SPZ1: variants seen among roughly 807,000 people sequenced by gnomAD.
SPZ1 encodes the protein spermatogenic leucine zipper protein 1.
For synonymous variants in SPZ1, 160 were observed against 167.6 expected (o/e 0.95, Z 0.35); for missense variants, 408 against 486.2 (o/e 0.84, Z 1.51).
chr5:80,321,128 G>A lies in SPZ1; in HGVS notation c.913G>A (p.Glu305Lys), dbSNP rs1460173670. Residue 305 changes from glutamate to lysine, a missense_variant, in exon 1 of 1, where the codon GAA becomes AAA. Physicochemically the swap from Glu to Lys is moderately conservative, Grantham distance 56 (BLOSUM62 1). Coordinates refer to ENST00000296739, the MANE Select transcript of SPZ1 (RefSeq NM_032567.4). ...AGTGTCGGCTAAGCATGAGCTGGAG[G>A]AACAGGTGAAGAAACTGAGCCATGA... ...NEVSAKHELE[E>K]QVKKLSHDTY... 1 of 1,613,628 alleles carries A rather than the reference G, an allele frequency of 6.2e-7. No individual in the cohort carries two copies. The highest frequency in any genetic ancestry group is 8.5e-7 in the Non-Finnish European group (1 of 1,179,956).
At position 80,320,326 on chromosome 5, in the gene SPZ1, C is replaced by T. The variant is rs375932434; in HGVS notation, c.111C>T (p.Phe37=). ...YLDPRITIAL[F]EIGSHSPSSW... ...ACCCTAGGATTACCATTGCCTTATT[C>T]GAAATTGGATCACATTCCCCTTCCT... The change falls in exon 1 of 1, where the codon TTC becomes TTT. Residue 37 remains phenylalanine (F), a synonymous_variant. Coordinates refer to ENST00000296739, the MANE Select transcript of SPZ1 (RefSeq NM_032567.4). 3.3e-5 allele frequency: 53 copies of T among 1,613,934 alleles called. No homozygotes were observed. The African/African-American group carries it at 4.7e-4, about 14-fold the overall frequency.
chr5:80,320,010 C>T lies in SPZ1; in HGVS notation c.-206C>T. 1.9e-6 allele frequency: 1 copy of T among 519,786 alleles called. No individual in the cohort carries two copies. The allele number at this position is 519,786 out of a possible 1,614,324, so 32.2% of individuals were successfully genotyped here. A position where few individuals can be genotyped will look rare whatever the true frequency, so the allele number is the denominator to read the frequency against. ...TGCCTAGAGGAGAAGAGATGGAGCCCCAGCCTTGGTCCCCTTTCCCACCCT... is the reference window on the plus strand; with the variant it reads ...TGCCTAGAGGAGAAGAGATGGAGCCTCAGCCTTGGTCCCCTTTCCCACCCT... On this transcript the variant is annotated 5_prime_UTR_variant, in exon 1 of 1. Coordinates refer to ENST00000296739, the MANE Select transcript of SPZ1 (RefSeq NM_032567.4).
At position 80,320,574 on chromosome 5, in the gene SPZ1, A is replaced by T; in HGVS notation, c.359A>T (p.Asn120Ile). The change falls in exon 1 of 1, where the codon AAT becomes ATT. Residue 120 changes from asparagine to isoleucine, a missense_variant. Coordinates refer to ENST00000296739, the MANE Select transcript of SPZ1 (RefSeq NM_032567.4). ...AATATCAGAGGACTTGACAAAATCA[A>T]TGAAATGTTATCAACAAACCTGCCT... is the stretch of plus-strand genomic sequence containing the variant. ...KENIRGLDKI[N>I]EMLSTNLPVS... is the part of the protein sequence containing the mutation. 1 of 1,555,732 alleles carries T rather than the reference A, an allele frequency of 6.4e-7. No individual in the cohort carries two copies. Among genetic ancestry groups the T allele is most frequent in the Non-Finnish European group, 8.8e-7 (1 of 1,134,344 alleles).
Position 80,321,573 on chromosome 5 carries a change from C to T in SPZ1, c.*65C>T. 1.6e-6 allele frequency: 2 copies of T among 1,278,210 alleles called. No individual in the cohort carries two copies. Among genetic ancestry groups the T allele is most frequent in the Non-Finnish European group, 2.2e-6 (2 of 929,238 alleles). The allele number at this position is 1,278,210 out of a possible 1,614,324, so 79.2% of individuals were successfully genotyped here. ...ACTACATCTGTTACCTCCAACTTGT[C>T]AGTCATGATCAATCATCAAACCTTG... On this transcript the variant is annotated 3_prime_UTR_variant, in exon 1 of 1. Coordinates refer to ENST00000296739, the MANE Select transcript of SPZ1 (RefSeq NM_032567.4).
Position 80,320,402 on chromosome 5 carries a change from C to A in SPZ1, c.187C>A (p.Gln63Lys), listed in dbSNP as rs199574223. 1.2e-6 allele frequency: 2 copies of A among 1,614,008 alleles called. No individual in the cohort carries two copies. The highest frequency in any genetic ancestry group is 1.7e-5 in the Admixed American group (1 of 59,982). Residue 63 changes from glutamine (Q) to lysine (K), a missense_variant, in exon 1 of 1, where the codon CAA becomes AAA. Physicochemically the swap from Gln to Lys is moderately conservative, Grantham distance 53. Transcript: ENST00000296739. ...GAATAGCAGCCATCAAGTTACAGAA[C>A]AACAGACTGCACAGAAGTTTAACAA... The part of the protein sequence containing the change: ...LKNSSHQVTE[Q>K]QTAQKFNNLL...
Position 80,320,670 on chromosome 5 carries a change from A to G in SPZ1, c.455A>G (p.Glu152Gly). 6.2e-7 allele frequency: 1 copy of G among 1,613,948 alleles called. No homozygotes were observed. The highest frequency in any genetic ancestry group is 2.2e-5 in the East Asian group (1 of 44,848). The stretch of plus-strand genomic sequence containing the variant: ...ATGATATTGGAAACCAATATTACTG[A>G]GGATGTGTCAGCCCACAAAGAAAAT... Reference protein sequence around the residue: ...QEMILETNITEDVSAHKENIR... With the variant: ...QEMILETNITGDVSAHKENIR... The change falls in exon 1 of 1, where the codon GAG becomes GGG. Residue 152 changes from glutamate to glycine, a missense_variant. Physicochemically the swap from Glu to Gly is moderately conservative, Grantham distance 98. Transcript: ENST00000296739.
rs1743550072 is a variant in SPZ1, at chr5:80,321,273, C to G, written c.1058C>G (p.Pro353Arg). 6.2e-7 allele frequency: 1 copy of G among 1,611,840 alleles called. No homozygotes were observed. The highest frequency in any genetic ancestry group is 2.2e-5 in the East Asian group (1 of 44,864). Residue 353 changes from proline (P) to arginine (R), a missense_variant, in exon 1 of 1, where the codon CCA becomes CGA. Coordinates refer to ENST00000296739, the MANE Select transcript of SPZ1 (RefSeq NM_032567.4). Reference protein sequence around the residue: ...HQKQGTLQEKPIQINYKQDKK... With the variant: ...HQKQGTLQEKRIQINYKQDKK... ...AAACAGGGAACTCTGCAAGAGAAGC[C>G]AATTCAGATAAACTATAAACAGGAC...
In SPZ1 at chr5:80,320,201, T is replaced by C. The variant is rs772235818; in HGVS notation, c.-15T>C. ...TCCTGGAATCTCTAAAGTTTTCTGCTTTCCTTCTGTCCTGATGGCCAGCTC... is the reference window on the plus strand; with the variant it reads ...TCCTGGAATCTCTAAAGTTTTCTGCCTTCCTTCTGTCCTGATGGCCAGCTC... On this transcript the variant is annotated 5_prime_UTR_variant, in exon 1 of 1. Coordinates refer to ENST00000296739, the MANE Select transcript of SPZ1 (RefSeq NM_032567.4). 1.0e-5 allele frequency: 16 copies of C among 1,581,494 alleles called. No homozygotes were observed. The highest frequency in any genetic ancestry group is 1.4e-5 in the Non-Finnish European group (16 of 1,166,330).
Position 80,320,857 on chromosome 5 carries a change from A to G in SPZ1, c.642A>G (p.Leu214=). 3 of 1,613,674 alleles carry G rather than the reference A, an allele frequency of 1.9e-6. No individual in the cohort carries two copies. The highest frequency in any genetic ancestry group is 2.5e-6 in the Non-Finnish European group (3 of 1,179,940). The part of the protein sequence containing the change: ...QVFARDLVNR[L]EEKKVLNETQ... Reference sequence around the variant, plus strand: ...TTGCAAGAGATTTGGTAAATCGTTTAGAAGAAAAAAAAGTCCTTAACGAAA... The same window carrying G: ...TTGCAAGAGATTTGGTAAATCGTTTGGAAGAAAAAAAAGTCCTTAACGAAA... Residue 214 remains leucine, a synonymous_variant, in exon 1 of 1, where the codon TTA becomes TTG. Transcript: ENST00000296739.
In SPZ1 at chr5:80,321,459, C is replaced by T. The variant is rs748401544; in HGVS notation, c.1244C>T (p.Ala415Val). The change falls in exon 1 of 1, where the codon GCA becomes GTA. Residue 415 changes from alanine to valine, a missense_variant. Transcript: ENST00000296739. ...AATACCCAGTTCAATATTCATGTTG[C>T]AAGAAAAGCTCTTAGGGGAAAAATG... ...ACNTQFNIHVARKALRGKMRS... is the reference protein window; with the variant it reads ...ACNTQFNIHVVRKALRGKMRS... 1.9e-6 allele frequency: 3 copies of T among 1,594,780 alleles called. No homozygotes were observed. Among genetic ancestry groups the T allele is most frequent in the East Asian group, 2.2e-5 (1 of 44,792 alleles).
Position 80,321,655 on chromosome 5 carries a change from T to C in SPZ1, c.*147T>C, listed in dbSNP as rs1462193466. On this transcript the variant is annotated 3_prime_UTR_variant, in exon 1 of 1. Transcript: ENST00000296739. ...TATAGAATAAGGAGATTGACACTTA[T>C]ATTACTCATTACTTCAGCAGTTATG... is the stretch of plus-strand genomic sequence containing the variant. The C allele has an allele frequency of 7.0e-6, 4 of 572,272 alleles. No individual in the cohort carries two copies. Among genetic ancestry groups the C allele is most frequent in the Non-Finnish European group, 1.2e-5 (4 of 328,150 alleles). The allele number at this position is 572,272 out of a possible 1,614,324, so 35.4% of individuals were successfully genotyped here.
chr5:80,320,238 C>T lies in SPZ1; in HGVS notation c.23C>T (p.Ala8Val), dbSNP rs775560121. The T allele has an allele frequency of 6.2e-7, 1 of 1,611,444 alleles. No homozygotes were observed. The highest frequency in any genetic ancestry group is 1.7e-4 in the Middle Eastern group (1 of 6,044). The change falls in exon 1 of 1, where the codon GCT becomes GTT. Residue 8 changes from alanine (A) to valine (V), a missense_variant. Transcript: ENST00000296739. MASSAKS[A>V]EMPTISKTVN... ...CTGATGGCCAGCTCTGCTAAGTCAG[C>T]TGAGATGCCCACCATCTCCAAAACC...
Position 80,321,208 on chromosome 5 carries a change from A to C in SPZ1, c.993A>C (p.Leu331Phe). ...AALLENECQI[L>F]QQRVEILKEL... ...TGCTAGAGAATGAATGCCAAATCTT[A>C]CAGCAGAGAGTAGAGATTCTCAAGG... The change falls in exon 1 of 1, where the codon TTA becomes TTC. Residue 331 changes from leucine to phenylalanine, a missense_variant. Physicochemically the swap from Leu to Phe is conservative, Grantham distance 22. Transcript: ENST00000296739. 6.2e-7 allele frequency: 1 copy of C among 1,614,062 alleles called. No individual in the cohort carries two copies. Among genetic ancestry groups the C allele is most frequent in the East Asian group, 2.2e-5 (1 of 44,884 alleles).
rs755914475 is a variant in SPZ1 at position 80,320,887 on chromosome 5, A to G, written c.672A>G (p.Gln224=). 5 of 1,610,880 alleles carry G rather than the reference A, an allele frequency of 3.1e-6. No homozygotes were observed. The highest frequency in any genetic ancestry group is 4.2e-6 in the Non-Finnish European group (5 of 1,179,384). Reference sequence around the variant, plus strand: ...AAAAAAAAGTCCTTAACGAAACTCAACAAAGTCAGGAAAAAGCAAAAAACA... The same window carrying G: ...AAAAAAAAGTCCTTAACGAAACTCAGCAAAGTCAGGAAAAAGCAAAAAACA... ...LEEKKVLNET[Q]QSQEKAKNRL... Residue 224 remains glutamine, a synonymous_variant, in exon 1 of 1, where the codon CAA becomes CAG. Coordinates refer to ENST00000296739, the MANE Select transcript of SPZ1 (RefSeq NM_032567.4).
chr5:80,320,308 G>A lies in SPZ1; in HGVS notation c.93G>A (p.Arg31=), dbSNP rs774311273. Residue 31 remains arginine, a synonymous_variant, in exon 1 of 1, where the codon AGG becomes AGA. Coordinates refer to ENST00000296739, the MANE Select transcript of SPZ1 (RefSeq NM_032567.4). The part of the protein sequence containing the change: ...PDPHQEYLDP[R]ITIALFEIGS... ...CTCATCAAGAATATCTGGACCCTAG[G>A]ATTACCATTGCCTTATTCGAAATTG... 3.7e-6 allele frequency: 6 copies of A among 1,613,780 alleles called. No homozygotes were observed. The highest frequency in any genetic ancestry group is 2.7e-5 in the African/African-American group (2 of 74,840).
chr5:80,321,173 A>G lies in SPZ1; in HGVS notation c.958A>G (p.Met320Val), dbSNP rs1308799686. Residue 320 changes from methionine (M) to valine (V), a missense_variant, in exon 1 of 1, where the codon ATG (methionine) becomes GTG (valine). Transcript: ENST00000296739. ...CCATGACACCTATTCATTGCAGTTG[A>G]TGGCAGCTTTGCTAGAGAATGAATG... ...LSHDTYSLQL[M>V]AALLENECQI... The G allele has an allele frequency of 6.2e-7, 1 of 1,613,920 alleles. No homozygotes were observed. The highest frequency in any genetic ancestry group is 1.3e-5 in the African/African-American group (1 of 74,930).
Position 80,320,630 on chromosome 5 carries a change from G to A in SPZ1, c.415G>A (p.Glu139Lys). 6.2e-7 allele frequency: 1 copy of A among 1,609,792 alleles called. No homozygotes were observed. Among genetic ancestry groups the A allele is most frequent in the Non-Finnish European group, 8.5e-7 (1 of 1,178,948 alleles). The change falls in exon 1 of 1, where the codon GAA becomes AAA. Residue 139 changes from glutamate (E) to lysine (K), a missense_variant. Coordinates refer to ENST00000296739, the MANE Select transcript of SPZ1 (RefSeq NM_032567.4). Reference protein sequence around the residue: ...VSLAPEKEDNEKKQEMILETN... With the variant: ...VSLAPEKEDNKKKQEMILETN... ...TTTAGCCCCAGAGAAAGAAGACAAT[G>A]AAAAGAAACAGGAGATGATATTGGA... is the stretch of plus-strand genomic sequence containing the variant.
In SPZ1 at chr5:80,320,255, T is replaced by G. The variant is rs368289664; in HGVS notation, c.40T>G (p.Ser14Ala). Residue 14 changes from serine (S) to alanine (A), a missense_variant, in exon 1 of 1, where the codon TCC (serine) becomes GCC (alanine). Physicochemically the swap from Ser to Ala is moderately conservative, Grantham distance 99. Coordinates refer to ENST00000296739, the MANE Select transcript of SPZ1 (RefSeq NM_032567.4). ...SAKSAEMPTI[S>A]KTVNPTPDPH... ...TAAGTCAGCTGAGATGCCCACCATC[T>G]CCAAAACCGTTAACCCTACTCCTGA... The G allele has an allele frequency of 2.0e-5, 32 of 1,612,682 alleles. No individual in the cohort carries two copies. The highest frequency in any genetic ancestry group is 2.6e-5 in the Non-Finnish European group (31 of 1,179,582).
Position 80,321,352 on chromosome 5 carries a change from C to T in SPZ1, c.1137C>T (p.Asn379=), listed in dbSNP as rs751019971. 6.8e-6 allele frequency: 11 copies of T among 1,613,482 alleles called. No individual in the cohort carries two copies. The highest frequency in any genetic ancestry group is 5.5e-5 in the South Asian group (5 of 90,890). Residue 379 remains asparagine (N), a synonymous_variant, in exon 1 of 1, where the codon AAC becomes AAT. Coordinates refer to ENST00000296739, the MANE Select transcript of SPZ1 (RefSeq NM_032567.4). ...EAKKVEMYKQ[N]KQAMKGTFWK... Reference sequence around the variant, plus strand: ...AGAAAGTAGAAATGTATAAGCAGAACAAGCAAGCAATGAAGGGTACATTTT... The same window carrying T: ...AGAAAGTAGAAATGTATAAGCAGAATAAGCAAGCAATGAAGGGTACATTTT...
Sources: gnomAD v4.1 joint callset for allele counts on GRCh38, gnomAD v4.1.1 for gene constraint, MANE v1.5 for transcripts, NCBI Gene and HGNC (gene_info 2026-07-23, HGNC 2026-07-21) for gene names.